Variants in SORCS2 observed in about 807,000 individuals in gnomAD.
SORCS2 encodes the protein VPS10 domain-containing receptor SorCS2.
SORCS2 carries 100 observed loss-of-function variants against 141.6 expected under a neutral mutation model. The observed-to-expected ratio is 0.71, with a 90% CI of 0.60 to 0.83. The LOEUF (loss-of-function observed/expected upper bound fraction) is 0.83. Ranked by LOEUF, SORCS2 falls within the 40% of genes least tolerant of loss-of-function variation. The pLI is 0.00. For synonymous variants in SORCS2, 789 were observed against 676.9 expected (o/e 1.17, Z -2.57); for missense variants, 1,646 against 1,560.2 (o/e 1.05, Z -0.93).
intron 2 of SORCS2, 113 bp downstream of exon 2, chr4:7,396,468 G>A: frequency 9.8e-7 from 1 of 1,018,754 alleles, no homozygotes; most frequent in Non-Finnish European, 1.5e-6. Context: ...CTGTGAGTCA[G>A]TGGCCTCGCA....
At position 7,472,432 on chromosome 4, in the gene SORCS2, G is replaced by A. The variant is rs147252039; in HGVS notation, c.549-59098G>A. On this transcript the variant is annotated intron_variant, in intron 2 of 26. Coordinates refer to ENST00000507866, the MANE Select transcript of SORCS2 (RefSeq NM_020777.3). ...GGGGGATGAGGGGATGGCGTGGAGT[G>A]TCCACAGAGCCTGCAGCTGGTCAGG... Among the ~76,000 whole-genome samples the A allele has an allele frequency of 8.5e-3, 1,297 of 152,294 alleles. 9 individuals carry two copies. Among genetic ancestry groups the A allele is most frequent in the Middle Eastern group, 0.041 (12 of 294 alleles).
At chr4:7,347,645 A>G (rs1374435055) in intron 1 of SORCS2, among the ~76,000 whole-genome samples, 1 of 152,178 alleles carries the variant, frequency 6.6e-6, no homozygotes. Context: ...CCTTCTCCCC[A>G]GAGAGGTGAG....
intron 3 of SORCS2, among the ~76,000 whole-genome samples, chr4:7,581,736 C>T (rs1443693342): frequency 2.6e-5 from 4 of 152,190 alleles, no homozygotes; most frequent in Non-Finnish European, 5.9e-5. Flanking sequence ...TCTAGCCCAG[C>T]CCTCTGTACA....
intron 5 of SORCS2, among the ~76,000 whole-genome samples, chr4:7,659,340 C>G (rs1316076808): frequency 6.6e-6 from 1 of 151,716 alleles, no homozygotes; most frequent in Non-Finnish European, 1.5e-5. Flanking sequence ...CAACACTGGG[C>G]ATATATTGAA....
intron 2 of SORCS2, among the ~76,000 whole-genome samples, chr4:7,526,634 G>A (rs1268563254): frequency 6.6e-6 from 1 of 152,114 alleles, no homozygotes; most frequent in African/African-American, 2.4e-5. Context: ...GAGTTCAGGA[G>A]CCCCCCAGCT....
chr4:7,665,938 C>G (rs1019594400), intron 7 of SORCS2, among the ~76,000 whole-genome samples: 1 of 152,158 alleles, frequency 6.6e-6, no homozygotes, highest in African/African-American at 2.4e-5. Context: ...AACACATGCC[C>G]TGGGGAACCT....
chr4:7,507,552 AAAGAGAACTTGTCTTAG>A (rs1193268240), intron 2 of SORCS2, among the ~76,000 whole-genome samples: 2 of 152,244 alleles, frequency 1.3e-5, no homozygotes, highest in Admixed American at 1.3e-4. Context: ...AAAACCAAAG[AAAGAGAACTTGTCTTAG>A]AAGCCACTAA....
intron 14 of SORCS2, among the ~76,000 whole-genome samples, chr4:7,705,179 G>C (rs566948516): frequency 6.6e-6 from 1 of 152,094 alleles, no homozygotes; most frequent in Admixed American, 6.5e-5. Flanking sequence ...GGAGGAGGCC[G>C]GGGAGGGAGG....
At chr4:7,489,131 C>G (rs574199170) in intron 2 of SORCS2, among the ~76,000 whole-genome samples, 140 of 152,336 alleles carry the variant, frequency 9.2e-4, no homozygotes, top group African/African-American at 3.1e-3. Context: ...AAGATGGAGG[C>G]TGAAATCCGT....
chr4:7,682,400 A>G (rs1723578875), intron 9 of SORCS2, among the ~76,000 whole-genome samples: 1 of 152,156 alleles, frequency 6.6e-6, no homozygotes, highest in Non-Finnish European at 1.5e-5. Context: ...TGAGGCAAGG[A>G]TGGGGTGACT....
At chr4:7,357,862 CA>C (rs892194713) in intron 1 of SORCS2, among the ~76,000 whole-genome samples, 1 of 152,212 alleles carries the variant, frequency 6.6e-6, no homozygotes, top group Non-Finnish European at 1.5e-5. Context: ...CTTCTGTGCA[CA>C]CTCCAGTCTG....
chr4:7,412,261 T>C (rs1725369051), intron 2 of SORCS2, among the ~76,000 whole-genome samples: 1 of 152,204 alleles, frequency 6.6e-6, no homozygotes, highest in Non-Finnish European at 1.5e-5. Context: ...GCCTTGCTCC[T>C]GCAGGCCGAT....
intron 1 of SORCS2, among the ~76,000 whole-genome samples, chr4:7,385,950 A>G (rs1417713271): frequency 6.6e-6 from 1 of 152,194 alleles, no homozygotes; most frequent in African/African-American, 2.4e-5. Context: ...CCCCACTGGC[A>G]TGAAAATGAG....
chr4:7,724,391 G>T (rs1193326615), intron 19 of SORCS2, among the ~76,000 whole-genome samples: 1 of 142,228 alleles, frequency 7.0e-6, no homozygotes, highest in East Asian at 2.1e-4. Context: ...ATAGGGTGTT[G>T]GTGATGGTGA....
chr4:7,497,219 G>C (rs1731683614), intron 2 of SORCS2, among the ~76,000 whole-genome samples: 1 of 152,262 alleles, frequency 6.6e-6, no homozygotes, highest in African/African-American at 2.4e-5. Flanking sequence ...AAGGGCTAAA[G>C]AGAAAGGAAC....
intron 3 of SORCS2, among the ~76,000 whole-genome samples, chr4:7,570,347 C>T (rs561233624): frequency 2.2e-3 from 331 of 152,360 alleles, no homozygotes; most frequent in African/African-American, 7.4e-3. Flanking sequence ...GGTGCCTCCT[C>T]GCTAGGGCCT....
chr4:7,594,371 A>G (rs1036840529), intron 3 of SORCS2, among the ~76,000 whole-genome samples: 1 of 152,204 alleles, frequency 6.6e-6, no homozygotes, highest in Non-Finnish European at 1.5e-5. Flanking sequence ...TACAGAATGG[A>G]TGGAGGTCTT....
intron 1 of SORCS2, among the ~76,000 whole-genome samples, chr4:7,274,892 C>T (rs1045294696): frequency 6.6e-6 from 1 of 152,164 alleles, no homozygotes; most frequent in African/African-American, 2.4e-5. Flanking sequence ...TCACGTGGTG[C>T]TTCCTGGCTC....
chr4:7,731,416 A>G lies in SORCS2; in HGVS notation c.3108+1704A>G, dbSNP rs77857910. On this transcript the variant is annotated intron_variant, in intron 23 of 26. Coordinates refer to ENST00000507866, the MANE Select transcript of SORCS2 (RefSeq NM_020777.3). Reference sequence around the variant, plus strand: ...CTAAAGTGATCTACAGATTTAATGCAAGGTCTATCAAAATTTCAATGATGT... The same window carrying G: ...CTAAAGTGATCTACAGATTTAATGCGAGGTCTATCAAAATTTCAATGATGT... Among the ~76,000 whole-genome samples, 478 of 152,326 alleles carry G rather than the reference A, an allele frequency of 3.1e-3. 3 individuals are homozygous for G. Among genetic ancestry groups the G allele is most frequent in the East Asian group, 0.013 (65 of 5,188 alleles).
Sources: allele counts gnomAD v4.1 joint callset (sites outside exome capture counted in the v4.1 genomes callset), GRCh38; gene constraint gnomAD v4.1.1; transcripts MANE v1.5; gene names NCBI Gene and HGNC (gene_info 2026-07-23, HGNC 2026-07-21).